The following DLG2 variants were observed in gnomAD, a reference collection of about 807,000 sequenced individuals.
The protein encoded by DLG2 is discs large MAGUK scaffold protein 2, also known as disks large homolog 2.
Under a neutral mutation model 132.5 loss-of-function variants are expected in DLG2, and 45 were observed. The observed-to-expected ratio is 0.34, with a 90% CI of 0.27 to 0.44. DLG2 has a LOEUF of 0.44. DLG2 is among the 20% of genes least tolerant of loss of function. The probability of loss-of-function intolerance (pLI) is 1.00; values close to 1 mark genes in which losing one functional copy is unlikely to be tolerated. For missense variants in DLG2, 1,045 were observed against 1,196.9 expected (o/e 0.87, Z 1.87); for synonymous variants, 424 against 419.6 (o/e 1.01, Z -0.13).
At chr11:84,675,889 G>T (rs2099710716) in intron 6 of DLG2, among the ~76,000 whole-genome samples, 1 of 151,982 alleles carries the variant, frequency 6.6e-6, no homozygotes, top group South Asian at 2.1e-4. Context: ...CTCCTCCCTT[G>T]TCCACTTAAA....
chr11:84,397,678 G>A (rs2098815572), intron 7 of DLG2, among the ~76,000 whole-genome samples: 1 of 152,220 alleles, frequency 6.6e-6, no homozygotes, highest in South Asian at 2.1e-4. Flanking sequence ...ATTGACGTGA[G>A]AGCTATAAGT....
chr11:84,222,486 G>C (rs1490002034), intron 8 of DLG2, among the ~76,000 whole-genome samples: 2 of 152,056 alleles, frequency 1.3e-5, no homozygotes, highest in African/African-American at 4.8e-5. Context: ...CATAAGAAAG[G>C]GCTATAAAAT....
chr11:84,933,072 G>A (rs1473945144), intron 6 of DLG2, among the ~76,000 whole-genome samples: 1 of 152,138 alleles, frequency 6.6e-6, no homozygotes, highest in Admixed American at 6.6e-5. Flanking sequence ...GCATGAGATG[G>A]TATCTCATTG....
At chr11:84,210,785 G>A (rs963197019) in intron 8 of DLG2, among the ~76,000 whole-genome samples, 2 of 152,002 alleles carry the variant, frequency 1.3e-5, no homozygotes, top group Non-Finnish European at 2.9e-5. Context: ...TTTAAGGAAC[G>A]GCAAAACTAA....
chr11:84,915,125 GGTT>G (rs1345887119), intron 6 of DLG2, among the ~76,000 whole-genome samples: 1 of 152,062 alleles, frequency 6.6e-6, no homozygotes, highest in Admixed American at 6.6e-5. Flanking sequence ...TCCTAATTGA[GGTT>G]GTATTTTTCT....
chr11:85,396,271 G>A (rs1341471440), intron 3 of DLG2, among the ~76,000 whole-genome samples: 1 of 152,066 alleles, frequency 6.6e-6, no homozygotes, highest in Non-Finnish European at 1.5e-5. Context: ...CCCATCTTTA[G>A]GACACCAGAA....
In DLG2 at chr11:83,791,526, CT is replaced by C. The variant is rs563530122; in HGVS notation, c.1723-4735del. On this transcript the variant is annotated intron_variant, in intron 17 of 27. Transcript: ENST00000376104. Reference sequence around the variant, plus strand: ...TACCATGAAATCAGTTTATTTTTTACTTTTATTCAAGTTAAAGGATTTCCAG... The same window carrying C: ...TACCATGAAATCAGTTTATTTTTTACTTTATTCAAGTTAAAGGATTTCCAG... The C allele has an allele frequency of 2.0e-4, 122 of 602,550 alleles. 1 individual carries two copies. The highest frequency in any genetic ancestry group is 3.3e-4 in the Non-Finnish European group (106 of 321,950). The allele number at this position is 602,550 out of a possible 1,614,324, so 37.3% of individuals were successfully genotyped here.
At chr11:85,486,639 G>A (rs76938237) in intron 3 of DLG2, among the ~76,000 whole-genome samples, 6,128 of 152,124 alleles carry the variant, frequency 0.04, 396 homozygotes, top group African/African-American at 0.14. Context: ...CATGGTACCA[G>A]CAGGCCAGGG....
chr11:84,805,385 G>C (rs963283546), intron 6 of DLG2, among the ~76,000 whole-genome samples: 1 of 151,588 alleles, frequency 6.6e-6, no homozygotes, highest in African/African-American at 2.4e-5. Flanking sequence ...ACCTAAAGTA[G>C]AGAAAAAAAA....
intron 7 of DLG2, among the ~76,000 whole-genome samples, chr11:84,493,542 T>A (rs1284595776): frequency 6.6e-6 from 1 of 152,118 alleles, no homozygotes; most frequent in African/African-American, 2.4e-5. Context: ...GGTCCTTGGA[T>A]ACTGTAGTAG....
intron 6 of DLG2, among the ~76,000 whole-genome samples, chr11:84,647,213 G>T: frequency 6.6e-6 from 1 of 152,106 alleles, no homozygotes; most frequent in East Asian, 1.9e-4. Flanking sequence ...ACTTAGAAAG[G>T]TACGTACAAT....
chr11:85,524,824 C>T (rs1012366288), intron 3 of DLG2, among the ~76,000 whole-genome samples: 1 of 151,870 alleles, frequency 6.6e-6, no homozygotes, highest in Non-Finnish European at 1.5e-5. Flanking sequence ...ACAAAGTTCA[C>T]GAACAGGCAA....
chr11:84,320,550 T>A (rs538399064), intron 7 of DLG2, among the ~76,000 whole-genome samples: 2 of 152,322 alleles, frequency 1.3e-5, no homozygotes, highest in South Asian at 2.1e-4. Flanking sequence ...AAATCCGCAT[T>A]CTTTTACATC....
intron 3 of DLG2, among the ~76,000 whole-genome samples, chr11:85,518,291 C>T (rs2094209273): frequency 6.6e-6 from 1 of 152,122 alleles, no homozygotes; most frequent in Non-Finnish European, 1.5e-5. Context: ...TGACTTTAAC[C>T]AAAACCCTGA....
chr11:84,713,840 A>G (rs1423692206), intron 6 of DLG2, among the ~76,000 whole-genome samples: 1 of 152,104 alleles, frequency 6.6e-6, no homozygotes, highest in Non-Finnish European at 1.5e-5. Context: ...ATTCCCCAAG[A>G]TGTTGATTTT....
At chr11:85,218,892 G>T (rs1223274604) in intron 4 of DLG2, among the ~76,000 whole-genome samples, 1 of 152,128 alleles carries the variant, frequency 6.6e-6, no homozygotes, top group Non-Finnish European at 1.5e-5. Context: ...GCCATAAAAA[G>T]AATGAAATCA....
chr11:83,897,154 A>G (rs2071975404), intron 15 of DLG2, among the ~76,000 whole-genome samples: 1 of 152,204 alleles, frequency 6.6e-6, no homozygotes, highest in South Asian at 2.1e-4. Flanking sequence ...AGAAGCAGAG[A>G]GCCACTGCTA....
intron 6 of DLG2, among the ~76,000 whole-genome samples, chr11:84,543,528 C>T (rs552162782): frequency 2.6e-5 from 4 of 152,286 alleles, no homozygotes; most frequent in South Asian, 2.1e-4. Context: ...TAACCGTCCC[C>T]GCCCCTCTCC....
chr11:83,592,546 A>G (rs1399001822), intron 19 of DLG2, among the ~76,000 whole-genome samples: 4 of 152,060 alleles, frequency 2.6e-5, no homozygotes, highest in Non-Finnish European at 2.9e-5. Flanking sequence ...AACCCTAGAA[A>G]AAAACCTAGG....
Sources: gnomAD v4.1 joint callset for allele counts (sites outside exome capture counted in the v4.1 genomes callset) on GRCh38, gnomAD v4.1.1 for gene constraint, MANE v1.5 for transcripts, NCBI Gene and HGNC (gene_info 2026-07-23, HGNC 2026-07-21) for gene names.